The following EIF3A variants were observed in gnomAD, a reference collection of about 807,000 sequenced individuals.
EIF3A encodes eukaryotic translation initiation factor 3 subunit A, also known as EIF3, p180 subunit.
In EIF3A, 21 loss-of-function variants were observed where a neutral mutation model predicts 186.6. That is an observed-to-expected ratio of 0.11 (90% CI 0.08 to 0.16). The LOEUF (loss-of-function observed/expected upper bound fraction) is 0.16, where lower values mean the gene tolerates loss of function less well. EIF3A is among the 10% of genes least tolerant of loss of function. The pLI is 1.00. For synonymous variants in EIF3A, 563 were observed against 584.3 expected (o/e 0.96, Z 0.52); for missense variants, 1,306 against 1,796.3 (o/e 0.73, Z 4.93).
chr10:119,073,773 A>G lies in EIF3A; in HGVS notation c.214T>C (p.Tyr72His). 7 of 1,612,498 alleles carry G rather than the reference A, an allele frequency of 4.3e-6. No homozygotes were observed. The highest frequency in any genetic ancestry group is 5.9e-6 in the Non-Finnish European group (7 of 1,179,342). The change falls in exon 2 of 22, where the codon TAC (tyrosine) becomes CAC (histidine). Residue 72 changes from tyrosine to histidine, a missense_variant. Coordinates refer to ENST00000369144, the MANE Select transcript of EIF3A (RefSeq NM_003750.4). ...TGTTGACAAATGTTCTTATACTGGT[A>G]TAACCCCTCCTTTGCCAAGTGGCTC... ...RKSHLAKEGL[Y>H]QYKNICQQVN...
chr10:119,040,134 G>A (rs1165480859), intron 19 of EIF3A, among the ~76,000 whole-genome samples: 6 of 152,182 alleles, frequency 3.9e-5, no homozygotes, highest in Non-Finnish European at 5.9e-5. Flanking sequence ...AAGCAAGGAA[G>A]CAGCTCACTT....
chr10:119,072,820 T>A, intron 4 of EIF3A, 70 bp downstream of exon 4: 1 of 1,523,398 alleles, frequency 6.6e-7, no homozygotes, highest in South Asian at 1.3e-5. Context: ...TCATTTTAAG[T>A]ACTTTTCAGA....
At chr10:119,051,396 T>C in intron 14 of EIF3A, 75 bp from the exon 15 acceptor site, 1 of 1,414,554 alleles carries the variant, frequency 7.1e-7, no homozygotes, top group Non-Finnish European at 9.4e-7. Flanking sequence ...TGAGAAATAC[T>C]CTTGAAAAAT....
Position 119,044,376 on chromosome 10 carries a change from C to T in EIF3A, c.2659-234G>A, listed in dbSNP as rs532043228. ...ACCGATATAACACTGTGCTGGAAAG[C>T]AACCTGGGAACATACACCTCTACAG... On this transcript the variant is annotated intron_variant, in intron 17 of 21. Coordinates refer to ENST00000369144, the MANE Select transcript of EIF3A (RefSeq NM_003750.4). Among the ~76,000 whole-genome samples, 4 of 145,598 alleles carry T rather than the reference C, an allele frequency of 2.7e-5. No individual in the cohort carries two copies. In the South Asian group the frequency reaches 8.9e-4, roughly 32 times the overall value.
rs989666344 is a variant in EIF3A, at chr10:119,035,188, G to A, written c.*851C>T. The A allele has an allele frequency of 1.3e-5, 2 of 152,114 alleles. No individual in the cohort carries two copies. Among genetic ancestry groups the A allele is most frequent in the Admixed American group, 1.3e-4 (2 of 15,198 alleles). 9.4% of individuals were successfully genotyped at this position (152,114 alleles called of 1,614,324 possible). A position where few individuals can be genotyped will look rare whatever the true frequency, so the allele number is the denominator to read the frequency against. On this transcript the variant is annotated 3_prime_UTR_variant, in exon 22 of 22. Transcript: ENST00000369144. ...ACACAGTCATTACTACAAATTACTT[G>A]TTGAAAGAATCTATCTTCAAAAGAA...
chr10:119,036,832 C>A (rs1848135355), intron 21 of EIF3A, among the ~76,000 whole-genome samples: 1 of 152,090 alleles, frequency 6.6e-6, no homozygotes, highest in Admixed American at 6.5e-5. Flanking sequence ...GCTTAATCTG[C>A]CAGGAAGCTG....
At chr10:119,079,168 GTCTGT>G (rs778972342) in intron 1 of EIF3A, among the ~76,000 whole-genome samples, 10 of 152,268 alleles carry the variant, frequency 6.6e-5, no homozygotes, top group Admixed American at 1.3e-4. Flanking sequence ...AAAACTGCTT[GTCTGT>G]TCTAACCATT....
In EIF3A at chr10:119,075,711, C is replaced by CTTTT. The variant is rs58392465; in HGVS notation, c.50-1778_50-1775dup. 5.6e-3 allele frequency among the ~76,000 whole-genome samples: 366 copies of CTTTT among 65,284 alleles called. 15 individuals are homozygous for CTTTT. Among genetic ancestry groups the CTTTT allele is most frequent in the Non-Finnish European group, 6.6e-3 (255 of 38,348 alleles). The allele number at this position is 65,284 out of a possible 152,430, so 42.8% of individuals were successfully genotyped here. Reference sequence around the variant, plus strand: ...ATTGTTTATTTTCCTTGGAAAAAGACTTTTTTTTTTTTTTTTTTTTTGGAC... The same window carrying CTTTT: ...ATTGTTTATTTTCCTTGGAAAAAGACTTTTTTTTTTTTTTTTTTTTTTTTTGGAC... On this transcript the variant is annotated intron_variant, in intron 1 of 21. Transcript: ENST00000369144.
At chr10:119,045,089 C>A (rs980372726) in intron 17 of EIF3A, among the ~76,000 whole-genome samples, 1 of 151,780 alleles carries the variant, frequency 6.6e-6, no homozygotes, top group African/African-American at 2.4e-5. Flanking sequence ...GGACTACAAG[C>A]GCCTGCCTCC....
In EIF3A at chr10:119,070,945, T is replaced by C. The variant is rs1488900317; in HGVS notation, c.682A>G (p.Met228Val). Residue 228 changes from methionine to valine, a missense_variant, in exon 5 of 22, where the codon ATG (methionine) becomes GTG (valine). Around this residue, in one of 8 missense-constraint regions of EIF3A, gnomAD observed 267 missense variants for 367.8 expected, o/e 0.73. Transcript: ENST00000369144. ...TGAACAAGTCTGGTTTCCAAATGCA[T>C]GGACTGGCTCTCTGGATTATTAAGA... ...INLNNPESQS[M>V]HLETRLVQLD... The C allele has an allele frequency of 5.6e-6, 9 of 1,614,010 alleles. No individual in the cohort carries two copies. Among genetic ancestry groups the C allele is most frequent in the Non-Finnish European group, 7.6e-6 (9 of 1,179,940 alleles).
intron 17 of EIF3A, among the ~76,000 whole-genome samples, chr10:119,045,059 C>G (rs1848266177): frequency 1.3e-5 from 2 of 151,486 alleles, no homozygotes. Context: ...ATTCTTGAGC[C>G]TTAGCCTCCC....
At chr10:119,054,071 C>T (rs112333526) in intron 14 of EIF3A, among the ~76,000 whole-genome samples, 3,919 of 152,200 alleles carry the variant, frequency 0.026, 169 homozygotes, top group African/African-American at 0.089. Flanking sequence ...CAGGCATCTG[C>T]CACCACGCCC....
At position 119,056,843 on chromosome 10, in the gene EIF3A, A is replaced by G; in HGVS notation, c.2093T>C (p.Phe698Ser). ...TTCTTCCAAACGTTTGGCTCTTTCA[A>G]AATAGTCAATCTGAATGACACGAAA... ...LKNQEKKIDY[F>S]ERAKRLEEIP... The change falls in exon 14 of 22, where the codon TTT (phenylalanine) becomes TCT (serine). Residue 698 changes from phenylalanine (F) to serine (S), a missense_variant. Transcript: ENST00000369144. 1 of 1,612,310 alleles carries G rather than the reference A, an allele frequency of 6.2e-7. No individual in the cohort carries two copies. Among genetic ancestry groups the G allele is most frequent in the Non-Finnish European group, 8.5e-7 (1 of 1,178,506 alleles).
rs576950493 is a variant in EIF3A, at chr10:119,061,451, C to A, written c.1123-123G>T. ...GATTTAAAAAATCATCAAGCCTCAA[C>A]CTCCTCTAAATTTACCAAAAATGAA... On this transcript the variant is annotated intron_variant, in intron 7 of 21. Coordinates refer to ENST00000369144, the MANE Select transcript of EIF3A (RefSeq NM_003750.4). The A allele has an allele frequency of 1.4e-5, 7 of 490,488 alleles. No individual in the cohort carries two copies. In the East Asian group the frequency reaches 1.7e-4, roughly 12 times the overall value. The allele number at this position is 490,488 out of a possible 1,614,324, so 30.4% of individuals were successfully genotyped here.
intron 6 of EIF3A, among the ~76,000 whole-genome samples, chr10:119,068,071 G>A (rs540437715): frequency 3.3e-5 from 5 of 152,170 alleles, no homozygotes; most frequent in South Asian, 4.1e-4. Context: ...TTGGCCTCCC[G>A]AAACTGCTGG....
intron 4 of EIF3A, among the ~76,000 whole-genome samples, chr10:119,072,205 A>AC (rs1844085805): frequency 7.1e-6 from 1 of 140,140 alleles, no homozygotes; most frequent in East Asian, 2.0e-4. Context: ...CTAAAAATAA[A>AC]TTAAAAAAAA....
rs756443319 is a variant in EIF3A at position 119,049,949 on chromosome 10, C to T, written c.2510G>A (p.Arg837His). ...EERERAERAK[R>H]EEELREYQER... ...CTGATACTCTCGTAGCTCTTCCTCG[C>T]GTTTTGCTCGTTCGGCGCGCTCTCT... The change falls in exon 17 of 22, where the codon CGC becomes CAC. Residue 837 changes from arginine to histidine, a missense_variant. By Grantham distance (29) the Arg-to-His change is conservative (BLOSUM62 0). This residue lies in a region of EIF3A where 410 missense variants were observed against 473.5 expected (regional missense o/e 0.87). Coordinates refer to ENST00000369144, the MANE Select transcript of EIF3A (RefSeq NM_003750.4). 1.5e-5 allele frequency: 25 copies of T among 1,613,990 alleles called. No homozygotes were observed. The highest frequency in any genetic ancestry group is 3.3e-4 in the Middle Eastern group (2 of 6,084).
intron 19 of EIF3A, among the ~76,000 whole-genome samples, chr10:119,039,420 C>G (rs1224764465): frequency 6.6e-6 from 1 of 151,606 alleles, no homozygotes; most frequent in Non-Finnish European, 1.5e-5. Flanking sequence ...CCTGTAATCT[C>G]AGGAATTTGG....
At position 119,056,722 on chromosome 10, in the gene EIF3A, A is replaced by G; in HGVS notation, c.2196+18T>C. ...TTTATTACAATCTAAAAATATTACA[A>G]TTAAATAAAAAACTTACTCTTTCTT... On this transcript the variant is annotated intron_variant, in intron 14 of 21. Coordinates refer to ENST00000369144, the MANE Select transcript of EIF3A (RefSeq NM_003750.4). The G allele has an allele frequency of 6.8e-7, 1 of 1,462,960 alleles. No homozygotes were observed. Among genetic ancestry groups the G allele is most frequent in the Non-Finnish European group, 9.5e-7 (1 of 1,047,724 alleles). The allele number at this position is 1,462,960 out of a possible 1,614,324, so 90.6% of individuals were successfully genotyped here.
Sources: gnomAD v4.1 joint callset for allele counts (sites outside exome capture counted in the v4.1 genomes callset) on GRCh38, gnomAD v4.1.1 for gene constraint, gnomAD v4.1.1 regional missense constraint, MANE v1.5 for transcripts, NCBI Gene and HGNC (gene_info 2026-07-23, HGNC 2026-07-21) for gene names.